The following LHFPL3 variants were observed in gnomAD, a reference collection of about 807,000 sequenced individuals.
LHFPL3 encodes the protein LHFPL tetraspan subfamily member 3.
Under a neutral mutation model 19.3 loss-of-function variants are expected in LHFPL3, and 5 were observed. That is an observed-to-expected ratio of 0.26 (90% confidence interval 0.14 to 0.54). The LOEUF is 0.54. Among genes scored for constraint, LHFPL3 ranks in the 20% least tolerant of loss-of-function variants. The pLI, the probability that LHFPL3 is intolerant of heterozygous loss-of-function variation, is 0.94. For synonymous variants in LHFPL3, 133 were observed against 126.2 expected (o/e 1.05, Z -0.36); for missense variants, 249 against 307.4 (o/e 0.81, Z 1.42).
intron 1 of LHFPL3, among the ~76,000 whole-genome samples, chr7:104,641,926 T>C (rs1019239229): frequency 6.6e-6 from 1 of 152,020 alleles, no homozygotes; most frequent in African/African-American, 2.4e-5. Context: ...TACCTCAAAA[T>C]AGTAGCTGAT....
intron 1 of LHFPL3, among the ~76,000 whole-genome samples, chr7:104,404,389 A>G (rs1351908472): frequency 6.6e-6 from 1 of 152,246 alleles, no homozygotes; most frequent in Non-Finnish European, 1.5e-5. Flanking sequence ...CAGATGAAGC[A>G]AATATTTTTT....
At chr7:104,587,437 A>G (rs1300087437) in intron 1 of LHFPL3, among the ~76,000 whole-genome samples, 3 of 152,158 alleles carry the variant, frequency 2.0e-5, no homozygotes, top group African/African-American at 4.8e-5. Context: ...TGTCCCTACA[A>G]AGGACATGAA....
intron 1 of LHFPL3, among the ~76,000 whole-genome samples, chr7:104,675,504 G>C (rs575018631): frequency 6.6e-6 from 1 of 152,290 alleles, no homozygotes; most frequent in African/African-American, 2.4e-5. Flanking sequence ...TACGTAAAAG[G>C]ATCATCATTC....
intron 1 of LHFPL3, among the ~76,000 whole-genome samples, chr7:104,686,979 G>T (rs1208762314): frequency 6.6e-6 from 1 of 152,162 alleles, no homozygotes; most frequent in Admixed American, 6.5e-5. Context: ...ACAGCATGGG[G>T]CAACTGCCCC....
At chr7:104,624,832 G>C (rs1447392179) in intron 1 of LHFPL3, among the ~76,000 whole-genome samples, 4 of 152,108 alleles carry the variant, frequency 2.6e-5, no homozygotes, top group African/African-American at 9.7e-5. Context: ...ATGTGTCTTT[G>C]GTTTGTTATG....
chr7:104,365,471 G>A (rs1218926009), intron 1 of LHFPL3, among the ~76,000 whole-genome samples: 2 of 151,660 alleles, frequency 1.3e-5, no homozygotes, highest in African/African-American at 2.4e-5. Context: ...TGAAGAGGGC[G>A]AGGTAGCATC....
At position 104,810,637 on chromosome 7, in the gene LHFPL3, T is replaced by G. The variant is rs765412358; in HGVS notation, c.682+73726T>G. ...CTTTGGGGTAGGATGCCCATATCAT[T>G]TTTTGTCCAAACAGGCACATGTTCA... On this transcript the variant is annotated intron_variant, in intron 2 of 2. Coordinates refer to ENST00000424859, the MANE Select transcript of LHFPL3 (RefSeq NM_199000.3). Among the ~76,000 whole-genome samples, 7 of 152,244 alleles carry G rather than the reference T, an allele frequency of 4.6e-5. No individual in the cohort carries two copies. The South Asian group carries it at 1.5e-3, about 32-fold the overall frequency.
intron 1 of LHFPL3, among the ~76,000 whole-genome samples, chr7:104,404,243 T>G (rs955081149): frequency 1.3e-5 from 2 of 152,230 alleles, no homozygotes; most frequent in African/African-American, 4.8e-5. Context: ...CTTAGTTAAT[T>G]ATTTTCTGAT....
chr7:104,439,293 A>G lies in LHFPL3; in HGVS notation c.445+110069A>G, dbSNP rs979632477. ...AGGATGAAGAGAAATTTCCTGACAA[A>G]TTTTATGATGCTAAAATAACCCTGA... On this transcript the variant is annotated intron_variant, in intron 1 of 2. Coordinates refer to ENST00000424859, the MANE Select transcript of LHFPL3 (RefSeq NM_199000.3). Among the ~76,000 whole-genome samples the G allele has an allele frequency of 2.6e-5, 4 of 152,186 alleles. No individual in the cohort carries two copies. In the East Asian group the frequency reaches 5.8e-4, roughly 22 times the overall value.
chr7:104,365,769 CAGAGCG>C (rs906442587), intron 1 of LHFPL3, among the ~76,000 whole-genome samples: 1 of 97,366 alleles, frequency 1.0e-5, no homozygotes, highest in African/African-American at 3.9e-5. Context: ...GCCTGGGCGA[CAGAGCG>C]AGACTCCGTC....
At chr7:104,882,359 C>T (rs10273609) in intron 2 of LHFPL3, among the ~76,000 whole-genome samples, 23,951 of 152,060 alleles carry the variant, frequency 0.16, 4,285 homozygotes, top group East Asian at 0.45. Flanking sequence ...GCGATTCTCC[C>T]GCCTCAGCCT....
At chr7:104,701,666 G>C (rs1156956907) in intron 1 of LHFPL3, among the ~76,000 whole-genome samples, 1 of 152,148 alleles carries the variant, frequency 6.6e-6, no homozygotes, top group Non-Finnish European at 1.5e-5. Context: ...CGGACCTGCA[G>C]AGTTCAAACC....
At chr7:104,657,405 CAGA>C (rs1348125859) in intron 1 of LHFPL3, among the ~76,000 whole-genome samples, 3 of 152,242 alleles carry the variant, frequency 2.0e-5, no homozygotes, top group Non-Finnish European at 4.4e-5. Flanking sequence ...ATTCTTCAGG[CAGA>C]AGGTCACTGG....
chr7:104,746,307 A>G (rs1312862900), intron 2 of LHFPL3, among the ~76,000 whole-genome samples: 1 of 152,034 alleles, frequency 6.6e-6, no homozygotes, highest in East Asian at 1.9e-4. Context: ...GCGAGACTCC[A>G]TCTCAAAAAA....
At position 104,616,192 on chromosome 7, in the gene LHFPL3, C is replaced by G. The variant is rs186717824; in HGVS notation, c.446-120483C>G. ...CCCATATAGCCAAGACAATCCTAAG[C>G]AAAAAGAACAAAGCTGGAGGCATCA... On this transcript the variant is annotated intron_variant, in intron 1 of 2. Transcript: ENST00000424859. Among the ~76,000 whole-genome samples the G allele has an allele frequency of 2.1e-3, 319 of 152,100 alleles. 2 individuals are homozygous for G. The highest frequency in any genetic ancestry group is 7.2e-3 in the African/African-American group (299 of 41,516).
chr7:104,503,669 A>C (rs1315312432), intron 1 of LHFPL3, among the ~76,000 whole-genome samples: 1 of 152,100 alleles, frequency 6.6e-6, no homozygotes, highest in Non-Finnish European at 1.5e-5. Context: ...TCCAGGGTTC[A>C]AGTGATCCTC....
intron 1 of LHFPL3, among the ~76,000 whole-genome samples, chr7:104,618,685 T>C (rs191786262): frequency 1.3e-5 from 2 of 152,154 alleles, no homozygotes; most frequent in East Asian, 1.9e-4. Context: ...AAAAAAGTTC[T>C]TGTTTTCAAG....
In LHFPL3 at chr7:104,404,194, T is replaced by A. The variant is rs543227170; in HGVS notation, c.445+74970T>A. ...ATGAGAATGAGATCTTGAATCTTGG[T>A]CAGTAAGCTAAATCTTTAAAGTTAT... On this transcript the variant is annotated intron_variant, in intron 1 of 2. Transcript: ENST00000424859. Among the ~76,000 whole-genome samples, 6 of 152,310 alleles carry A rather than the reference T, an allele frequency of 3.9e-5. No individual in the cohort carries two copies. In the South Asian group the frequency reaches 1.0e-3, roughly 26 times the overall value.
chr7:104,376,327 CA>C (rs1469926355), intron 1 of LHFPL3, among the ~76,000 whole-genome samples: 2 of 152,054 alleles, frequency 1.3e-5, no homozygotes, highest in African/African-American at 4.8e-5. Flanking sequence ...AGATTAAGTA[CA>C]AGTAAAAAAG....
Sources: gnomAD v4.1 joint callset for allele counts (sites outside exome capture counted in the v4.1 genomes callset) on GRCh38, gnomAD v4.1.1 for gene constraint, MANE v1.5 for transcripts, NCBI Gene and HGNC (gene_info 2026-07-23, HGNC 2026-07-21) for gene names.